ZNF613: variants seen among roughly 807,000 people sequenced by gnomAD.
ZNF613 encodes the protein zinc finger protein 613.
ZNF613 carries 8 observed loss-of-function variants against 14.3 expected under a neutral mutation model. That is an observed-to-expected ratio of 0.56 (90% confidence interval 0.33 to 1.01). ZNF613 has a LOEUF of 1.01. Ranked by LOEUF, ZNF613 falls within the 50% of genes least tolerant of loss-of-function variation. ZNF613 has a pLI of 0.03. For missense variants in ZNF613, 656 were observed against 741.9 expected (o/e 0.88, Z 1.35); for synonymous variants, 228 against 254.5 (o/e 0.90, Z 0.99).
intron 5 of ZNF613, among the ~76,000 whole-genome samples, chr19:51,943,003 T>C (rs2085363297): frequency 6.6e-6 from 1 of 152,190 alleles, no homozygotes; most frequent in Non-Finnish European, 1.5e-5. Context: ...GGCCATGACT[T>C]GATTTTTTAA....
chr19:51,943,758 A>T (rs1200733170), intron 5 of ZNF613, among the ~76,000 whole-genome samples: 3 of 150,466 alleles, frequency 2.0e-5, no homozygotes, highest in Non-Finnish European at 4.4e-5. Context: ...TCGCCCATAG[A>T]TGAGGGATTA....
Position 51,946,487 on chromosome 19 carries a change from C to T in ZNF613, c.*750C>T, listed in dbSNP as rs1383215959. On this transcript the variant is annotated 3_prime_UTR_variant, in exon 6 of 6. Transcript: ENST00000293471. ...GTTTCTTTGATTCCAAATTTCTTCA[C>T]TTGTTATTTCAGACTACTGAAGCTC... 1 of 152,188 alleles carries T rather than the reference C, an allele frequency of 6.6e-6. No homozygotes were observed. Among genetic ancestry groups the T allele is most frequent in the East Asian group, 1.9e-4 (1 of 5,196 alleles). The allele number at this position is 152,188 out of a possible 1,614,324, so 9.4% of individuals were successfully genotyped here. A position where few individuals can be genotyped will look rare whatever the true frequency, so the allele number is the denominator to read the frequency against.
At position 51,936,254 on chromosome 19, in the gene ZNF613, T is replaced by C. The variant is rs377020243; in HGVS notation, c.15+19T>C. On this transcript the variant is annotated intron_variant, in intron 3 of 5. Transcript: ENST00000293471. Reference sequence around the variant, plus strand: ...GTCCCAGGTGACTTTTTGTTTGTTTTAGTCTTTCCTTCATCACATGATTGA... The same window carrying C: ...GTCCCAGGTGACTTTTTGTTTGTTTCAGTCTTTCCTTCATCACATGATTGA... 14 of 1,600,736 alleles carry C rather than the reference T, an allele frequency of 8.7e-6. No homozygotes were observed. Among genetic ancestry groups the C allele is most frequent in the Non-Finnish European group, 1.2e-5 (14 of 1,174,036 alleles).
chr19:51,940,409 C>T (rs944561379), intron 4 of ZNF613, 74 bp downstream of exon 4: 100 of 1,609,630 alleles, frequency 6.2e-5, no homozygotes, highest in Non-Finnish European at 8.0e-5. Context: ...TTCAAAAGCT[C>T]TGGAGGGCCT....
In ZNF613 at chr19:51,945,690, G is replaced by C; in HGVS notation, c.1807G>C (p.Val603Leu). The C allele has an allele frequency of 6.2e-7, 1 of 1,614,156 alleles. No homozygotes were observed. The highest frequency in any genetic ancestry group is 8.5e-7 in the Non-Finnish European group (1 of 1,180,010). The change falls in exon 6 of 6, where the codon GTT becomes CTT. Residue 603 changes from valine (V) to leucine (L), a missense_variant. By Grantham distance (32) the Val-to-Leu change is conservative. Coordinates refer to ENST00000293471, the MANE Select transcript of ZNF613 (RefSeq NM_001031721.4). ...ESKVAIVSQP[V>L]ARSSVSADSR... ...CAAAGTAGCCATTGTGAGCCAGCCTGTTGCCAGAAGTTCAGTCTCAGCAGA... is the reference window on the plus strand; with the variant it reads ...CAAAGTAGCCATTGTGAGCCAGCCTCTTGCCAGAAGTTCAGTCTCAGCAGA...
At chr19:51,936,824 G>A (rs2085308803) in intron 3 of ZNF613, among the ~76,000 whole-genome samples, 1 of 152,106 alleles carries the variant, frequency 6.6e-6, no homozygotes, top group South Asian at 2.1e-4. Flanking sequence ...TGGACCCCTA[G>A]GTAGCTTCAG....
Position 51,940,675 on chromosome 19 carries a change from A to G in ZNF613, c.201A>G (p.Thr67=), listed in dbSNP as rs749576422. 3.1e-6 allele frequency: 5 copies of G among 1,613,448 alleles called. No homozygotes were observed. The East Asian group carries it at 8.9e-5, about 29-fold the overall frequency. ...LFKLEQGEPW[T]VENEIHSQIC... ...AGTTGGAACAAGGAGAGCCATGGACAGTAGAAAATGAAATCCACAGCCAAA... is the reference window on the plus strand; with the variant it reads ...AGTTGGAACAAGGAGAGCCATGGACGGTAGAAAATGAAATCCACAGCCAAA... Residue 67 remains threonine, a synonymous_variant, in exon 5 of 6, where the codon ACA becomes ACG. Transcript: ENST00000293471.
At chr19:51,940,431 A>G in intron 4 of ZNF613, 96 bp downstream of exon 4, 1 of 1,598,792 alleles carries the variant, frequency 6.3e-7, no homozygotes. Context: ...TGGTGCTCTG[A>G]AGTGGTAGAT....
chr19:51,931,716 C>T (rs1029426294), intron 2 of ZNF613, among the ~76,000 whole-genome samples: 1 of 152,094 alleles, frequency 6.6e-6, no homozygotes, highest in Non-Finnish European at 1.5e-5. Context: ...GTTCTTAGTA[C>T]AGTCACAGTG....
At chr19:51,937,734 T>C (rs868201812) in intron 3 of ZNF613, among the ~76,000 whole-genome samples, 19 of 147,268 alleles carry the variant, frequency 1.3e-4, no homozygotes, top group Non-Finnish European at 3.0e-5. Context: ...TCTTTTTTTT[T>C]TTTTTTTTTT....
Position 51,946,077 on chromosome 19 carries a change from T to G in ZNF613, c.*340T>G, listed in dbSNP as rs1389691033. On this transcript the variant is annotated 3_prime_UTR_variant, in exon 6 of 6. Transcript: ENST00000293471. ...AGGAGAGAAACTTTTGGAAGACCTT[T>G]GAAGGCTATGAATGTGGCAGGGTTG... The G allele has an allele frequency of 1.6e-5, 4 of 250,750 alleles. No individual in the cohort carries two copies. Among genetic ancestry groups the G allele is most frequent in the African/African-American group, 4.5e-5 (2 of 44,334 alleles). 15.5% of individuals were successfully genotyped at this position (250,750 alleles called of 1,614,324 possible). A position where few individuals can be genotyped will look rare whatever the true frequency, so the allele number is the denominator to read the frequency against.
At chr19:51,934,715 C>T (rs975503417) in intron 2 of ZNF613, among the ~76,000 whole-genome samples, 7 of 152,056 alleles carry the variant, frequency 4.6e-5, no homozygotes, top group African/African-American at 1.7e-4. Context: ...ATTACATTCT[C>T]CAGAAAGCTC....
chr19:51,937,031 T>C (rs780918020), intron 3 of ZNF613, among the ~76,000 whole-genome samples: 4 of 152,124 alleles, frequency 2.6e-5, no homozygotes, highest in African/African-American at 4.8e-5. Context: ...GGTAAACACA[T>C]TGAGGTGCTG....
In ZNF613 at chr19:51,944,149, T is replaced by G. The variant is rs548003513; in HGVS notation, c.266T>G (p.Met89Arg). ...EIKKVDNHLQMHSQKQRCLKR... is the reference protein window; with the variant it reads ...EIKKVDNHLQRHSQKQRCLKR... ...AAGAAAGTTGACAATCATCTACAGA[T>G]GCACTCACAAAAGCAAAGATGTCTG... is the stretch of plus-strand genomic sequence containing the variant. Residue 89 changes from methionine to arginine, a missense_variant, in exon 6 of 6, where the codon ATG becomes AGG. By Grantham distance (91) the Met-to-Arg change is moderately conservative. Coordinates refer to ENST00000293471, the MANE Select transcript of ZNF613 (RefSeq NM_001031721.4). 1 of 1,546,028 alleles carries G rather than the reference T, an allele frequency of 6.5e-7. No individual in the cohort carries two copies. The highest frequency in any genetic ancestry group is 1.2e-5 in the South Asian group (1 of 81,202).
At position 51,945,092 on chromosome 19, in the gene ZNF613, T is replaced by C. The variant is rs552088095; in HGVS notation, c.1209T>C (p.Asn403=). 6.2e-7 allele frequency: 1 copy of C among 1,614,138 alleles called. No homozygotes were observed. Among genetic ancestry groups the C allele is most frequent in the African/African-American group, 1.3e-5 (1 of 75,030 alleles). Residue 403 remains asparagine, a synonymous_variant, in exon 6 of 6, where the codon AAT becomes AAC. Coordinates refer to ENST00000293471, the MANE Select transcript of ZNF613 (RefSeq NM_001031721.4). The part of the protein sequence containing the change: ...IHTGEKPYIC[N]ECGKGFIQKG... ...CTGGAGAAAAACCCTATATATGCAA[T>C]GAATGTGGAAAAGGCTTCATCCAAA...
chr19:51,943,166 A>G (rs1362705594), intron 5 of ZNF613, among the ~76,000 whole-genome samples: 1 of 152,226 alleles, frequency 6.6e-6, no homozygotes, highest in Non-Finnish European at 1.5e-5. Context: ...GGCTATTGCT[A>G]TAGTACCAGA....
Position 51,945,775 on chromosome 19 carries a change from G to C in ZNF613, c.*38G>C, listed in dbSNP as rs372564151. ...TGCAGTGAATGTGGTAGTGCTTTCA[G>C]TGATCAATTACATCATATGTCACAA... On this transcript the variant is annotated 3_prime_UTR_variant, in exon 6 of 6. Coordinates refer to ENST00000293471, the MANE Select transcript of ZNF613 (RefSeq NM_001031721.4). 72 of 1,606,268 alleles carry C rather than the reference G, an allele frequency of 4.5e-5. No individual in the cohort carries two copies. In the African/African-American group the frequency reaches 8.3e-4, roughly 18 times the overall value.
chr19:51,930,140 TTC>T (rs1476393702), intron 2 of ZNF613, among the ~76,000 whole-genome samples: 1 of 152,188 alleles, frequency 6.6e-6, no homozygotes, highest in African/African-American at 2.4e-5. Context: ...CTAATCTACT[TTC>T]TGTCTCTATA....
At chr19:51,934,927 T>C (rs563546281) in intron 2 of ZNF613, among the ~76,000 whole-genome samples, 12 of 152,252 alleles carry the variant, frequency 7.9e-5, no homozygotes, top group African/African-American at 2.9e-4. Context: ...AAGAAAAGTG[T>C]GAAACATCTC....
Sources: allele counts gnomAD v4.1 joint callset (sites outside exome capture counted in the v4.1 genomes callset), GRCh38; gene constraint gnomAD v4.1.1; transcripts MANE v1.5; gene names NCBI Gene and HGNC (gene_info 2026-07-23, HGNC 2026-07-21).